GADL1: variants seen among roughly 807,000 people sequenced by gnomAD.
The protein encoded by GADL1 is acidic amino acid decarboxylase GADL1.
GADL1 carries 71 observed loss-of-function variants against 69.5 expected under a neutral mutation model. The ratio of observed to expected loss-of-function variants is 1.02; its 90% CI spans 0.84 to 1.25. The LOEUF (loss-of-function observed/expected upper bound fraction) is 1.25, where lower values mean the gene tolerates loss of function less well. Among genes scored for constraint, GADL1 ranks in the 50% most tolerant of loss-of-function variants. GADL1 has a pLI of 0.00. For missense variants in GADL1, 737 were observed against 631.8 expected (o/e 1.17, Z -1.79); for synonymous variants, 254 against 214.4 (o/e 1.18, Z -1.62).
intron 13 of GADL1, among the ~76,000 whole-genome samples, chr3:30,781,026 C>T (rs1467701594): frequency 6.6e-6 from 1 of 152,042 alleles, no homozygotes; most frequent in African/African-American, 2.4e-5. Flanking sequence ...ATTTTAATTG[C>T]CTACATATGT....
At chr3:30,853,710 C>T (rs1297070440) in intron 4 of GADL1, among the ~76,000 whole-genome samples, 2 of 152,080 alleles carry the variant, frequency 1.3e-5, no homozygotes, top group African/African-American at 4.8e-5. Context: ...AGTCTTCTCC[C>T]TTTTACTGTT....
chr3:30,827,207 G>GTT lies in GADL1; in HGVS notation c.1050+6644_1050+6645dup, dbSNP rs140736381. On this transcript the variant is annotated intron_variant, in intron 11 of 14. Transcript: ENST00000282538. ...TAATTGAGAATTAACTGAGGCTTGGGTTTTATACTCAGTAGTAGAGCGATA... is the reference window on the plus strand; with the variant it reads ...TAATTGAGAATTAACTGAGGCTTGGGTTTTTTATACTCAGTAGTAGAGCGATA... 0.012 allele frequency among the ~76,000 whole-genome samples: 1,851 copies of GTT among 151,928 alleles called. 166 individuals are homozygous for GTT. In the East Asian group the frequency reaches 0.26, roughly 21 times the overall value.
At position 30,800,909 on chromosome 3, in the gene GADL1, A is replaced by G. The variant is rs915875191; in HGVS notation, c.1230T>C (p.Asn410=). ...LGTLGLEERV[N]RALALSRYLV... ...AGTACCTAGATAAAGCAAGAGCACG[A>G]TTAACTCTTTCTTCAAGGCCTAATG... is the stretch of plus-strand genomic sequence containing the variant. The change falls in exon 12 of 15, where the codon AAT becomes AAC. Residue 410 remains asparagine, a synonymous_variant. Transcript: ENST00000282538. 2.5e-6 allele frequency: 4 copies of G among 1,611,596 alleles called. No individual in the cohort carries two copies. The highest frequency in any genetic ancestry group is 3.4e-6 in the Non-Finnish European group (4 of 1,179,714).
chr3:30,786,290 A>ACAGTGAT, intron 13 of GADL1, 65 bp downstream of exon 13: 1 of 971,692 alleles, frequency 1.0e-6, no homozygotes, highest in Admixed American at 1.8e-5. Context: ...ATAACAGATA[A>ACAGTGAT]GAAAATTACC....
chr3:30,831,928 C>T (rs537835798), intron 11 of GADL1, among the ~76,000 whole-genome samples: 3 of 151,998 alleles, frequency 2.0e-5, no homozygotes, highest in Non-Finnish European at 4.4e-5. Context: ...GCATTTTGTT[C>T]ATTGTCTTCC....
chr3:30,765,497 T>C (rs1279803335), intron 14 of GADL1, among the ~76,000 whole-genome samples: 1 of 152,234 alleles, frequency 6.6e-6, no homozygotes, highest in African/African-American at 2.4e-5. Context: ...TGTGATAACA[T>C]TGTGAAAACA....
chr3:30,844,431 A>G lies in GADL1; in HGVS notation c.687T>C (p.Leu229=), dbSNP rs1006988085. ...AGCAAACATTCTCAGTGCCAATCCC[A>G]AGAAAAGAGGCTGCCTTCTTCATAG... is the stretch of plus-strand genomic sequence containing the variant. The part of the protein sequence containing the change: ...HYSMKKAASF[L]GIGTENVCFV... Residue 229 remains leucine, a synonymous_variant, in exon 7 of 15, where the codon CTT becomes CTC. Transcript: ENST00000282538. The G allele has an allele frequency of 6.2e-7, 1 of 1,613,402 alleles. No homozygotes were observed.
chr3:30,839,266 A>G (rs1035709752), intron 8 of GADL1, among the ~76,000 whole-genome samples, 153 bp from the exon 9 acceptor site: 3 of 152,056 alleles, frequency 2.0e-5, no homozygotes, highest in African/African-American at 7.2e-5. Flanking sequence ...AATTTTGTGA[A>G]TATGTGGCCT....
In GADL1 at chr3:30,767,910, AAAATAT is replaced by A. The variant is rs1253015360; in HGVS notation, c.1392+10263_1392+10268del. On this transcript the variant is annotated intron_variant, in intron 14 of 14. Transcript: ENST00000282538. ...ATCAGATCTCAAAATATAAATACTT[AAAATAT>A]GAAAAAAATGAATACACTGACAATC... 3.7e-4 allele frequency among the ~76,000 whole-genome samples: 56 copies of A among 152,272 alleles called. 1 individual carries two copies. The highest frequency in any genetic ancestry group is 7.8e-4 in the Admixed American group (12 of 15,290).
intron 11 of GADL1, among the ~76,000 whole-genome samples, chr3:30,810,119 T>A (rs549463814): frequency 6.6e-6 from 1 of 152,302 alleles, no homozygotes; most frequent in East Asian, 1.9e-4. Context: ...ACATCTCCTT[T>A]CCTCGAGTTT....
rs373365525 is a variant in GADL1 at position 30,840,863 on chromosome 3, T to A, written c.787-1750A>T. Among the ~76,000 whole-genome samples the A allele has an allele frequency of 3.9e-5, 6 of 152,378 alleles. No individual in the cohort carries two copies. In the East Asian group the frequency reaches 1.2e-3, roughly 29 times the overall value. On this transcript the variant is annotated intron_variant, in intron 8 of 14. Transcript: ENST00000282538. ...TTGATGGCATGCTGCCAGTGAGCTG[T>A]ATTGTCTAAGAAAATTTGTCATTTC... is the stretch of plus-strand genomic sequence containing the variant.
At position 30,793,916 on chromosome 3, in the gene GADL1, A is replaced by G. The variant is rs562597691; in HGVS notation, c.1250+6973T>C. On this transcript the variant is annotated intron_variant, in intron 12 of 14. Coordinates refer to ENST00000282538, the MANE Select transcript of GADL1 (RefSeq NM_207359.3). ...CTCCCAGAACTCCTGAGATTTTTCC[A>G]TCTGCTTTCCGTATGCTCTGCATAG... Among the ~76,000 whole-genome samples, 6 of 152,274 alleles carry G rather than the reference A, an allele frequency of 3.9e-5. No individual in the cohort carries two copies. In the East Asian group the frequency reaches 9.6e-4, roughly 24 times the overall value.
At chr3:30,791,983 G>C (rs1481498708) in intron 12 of GADL1, among the ~76,000 whole-genome samples, 3 of 152,132 alleles carry the variant, frequency 2.0e-5, no homozygotes, top group Non-Finnish European at 4.4e-5. Context: ...ACATGGAACT[G>C]TGAGCCCACT....
At position 30,850,007 on chromosome 3, in the gene GADL1, T is replaced by A; in HGVS notation, c.640A>T (p.Thr214Ser). The part of the protein sequence containing the change: ...LSGSPRLILF[T>S]SAECHYSMKK... ...AAAATAATTTTTACCTCTGCAGATG[T>A]GAAAAGGATTAATCTTGGCGAACCA... The change falls in exon 6 of 15, where the codon ACA becomes TCA. Residue 214 changes from threonine (T) to serine (S), a missense_variant. Physicochemically the swap from Thr to Ser is moderately conservative, Grantham distance 58. Transcript: ENST00000282538. The A allele has an allele frequency of 1.3e-6, 2 of 1,583,484 alleles. No homozygotes were observed. The highest frequency in any genetic ancestry group is 1.7e-6 in the Non-Finnish European group (2 of 1,152,596).
At chr3:30,892,345 G>A (rs9833889) in intron 1 of GADL1, among the ~76,000 whole-genome samples, 12,097 of 152,192 alleles carry the variant, frequency 0.079, 1,503 homozygotes, top group African/African-American at 0.26. Context: ...TTACCTTCAG[G>A]ATCTCATCAT....
intron 12 of GADL1, among the ~76,000 whole-genome samples, chr3:30,796,881 C>T (rs1249267299): frequency 6.6e-6 from 1 of 152,096 alleles, no homozygotes; most frequent in Non-Finnish European, 1.5e-5. Flanking sequence ...CCCATAATCA[C>T]CAGAATTACT....
At chr3:30,752,090 G>A (rs1695834644) in intron 14 of GADL1, among the ~76,000 whole-genome samples, 1 of 149,162 alleles carries the variant, frequency 6.7e-6, no homozygotes. Context: ...TTAAAGTACT[G>A]CTGTGGTTTC....
intron 14 of GADL1, among the ~76,000 whole-genome samples, chr3:30,752,468 C>G (rs1344227988): frequency 6.6e-6 from 1 of 152,164 alleles, no homozygotes; most frequent in Admixed American, 6.5e-5. Flanking sequence ...AGATAATGCT[C>G]TGTATCTAGT....
intron 14 of GADL1, among the ~76,000 whole-genome samples, chr3:30,771,681 A>AG (rs1696423104): frequency 6.6e-6 from 1 of 152,246 alleles, no homozygotes; most frequent in African/African-American, 2.4e-5. Context: ...CATTTTTTAA[A>AG]GTGCTGCACC....
Sources: allele counts gnomAD v4.1 joint callset (sites outside exome capture counted in the v4.1 genomes callset), GRCh38; gene constraint gnomAD v4.1.1; transcripts MANE v1.5; gene names NCBI Gene and HGNC (gene_info 2026-07-23, HGNC 2026-07-21).